The following ATP13A3 variants were observed in gnomAD, a reference collection of about 807,000 sequenced individuals.
ATP13A3 encodes the protein ATPase 13A3, also known as polyamine-transporting ATPase 13A3.
A neutral mutation model predicts 158.1 loss-of-function variants in ATP13A3; 59 were observed. The observed-to-expected ratio is 0.37, with a 90% CI of 0.30 to 0.46. ATP13A3 has a LOEUF of 0.46. Ranked by LOEUF, ATP13A3 falls within the 20% of genes least tolerant of loss-of-function variation. The pLI is 1.00. For missense variants in ATP13A3, 1,166 were observed against 1,525.2 expected, an observed-to-expected ratio of 0.76 and a Z score of 3.92; for synonymous variants, 491 against 504.3, an observed-to-expected ratio of 0.97 and a Z score of 0.35.
chr3:194,421,114 G>GTGTATATATATATATATA (rs774431656), intron 30 of ATP13A3, among the ~76,000 whole-genome samples: 1 of 8,124 alleles, frequency 1.2e-4, no homozygotes, highest in African/African-American at 5.8e-4. Flanking sequence ...TGTGTAGGGT[G>GTGTATATATATATATATA]TATATATATA....
intron 10 of ATP13A3, chr3:194,452,912 G>T (rs182014462): frequency 1.3e-5 from 2 of 152,206 alleles, no homozygotes. Context: ...CGAATCCCCA[G>T]AGCCTAGCAT....
chr3:194,462,039 C>T, intron 3 of ATP13A3, 101 bp downstream of exon 3: 1 of 1,111,690 alleles, frequency 9.0e-7, no homozygotes, highest in Non-Finnish European at 1.3e-6. Context: ...GAGTTAGCTG[C>T]TGCCGCCACT....
At chr3:194,470,608 T>C (rs1239552635) in intron 2 of ATP13A3, among the ~76,000 whole-genome samples, 1 of 152,222 alleles carries the variant, frequency 6.6e-6, no homozygotes, top group South Asian at 2.1e-4. Context: ...ATATCATTTA[T>C]ATGCAATGTA....
At chr3:194,454,427 G>C in intron 8 of ATP13A3, 35 bp from the exon 9 acceptor site, 4 of 1,567,488 alleles carry the variant, frequency 2.6e-6, no homozygotes, top group Non-Finnish European at 3.5e-6. Context: ...AACTGAATGA[G>C]GTATTAATGA....
At chr3:194,434,480 G>A (rs578178340) in intron 20 of ATP13A3, among the ~76,000 whole-genome samples, 20 of 152,198 alleles carry the variant, frequency 1.3e-4, no homozygotes, top group African/African-American at 4.3e-4. Context: ...GTCACTGGGA[G>A]GTTAAAGACA....
chr3:194,434,983 T>C (rs542978824), intron 20 of ATP13A3, among the ~76,000 whole-genome samples: 16 of 152,272 alleles, frequency 1.1e-4, no homozygotes, highest in African/African-American at 3.1e-4. Flanking sequence ...AATTATATCA[T>C]AGAAATTTTT....
intron 32 of ATP13A3, chr3:194,413,135 T>A (rs1375556602): frequency 1.3e-5 from 2 of 152,340 alleles, no homozygotes; most frequent in African/African-American, 4.8e-5. Context: ...GAGAACTTGC[T>A]ACCTCCTTTT....
Position 194,425,449 on chromosome 3 carries a change from T to A in ATP13A3, c.3206A>T (p.Gln1069Leu), listed in dbSNP as rs1716693122. 1 of 1,612,936 alleles carries A rather than the reference T, an allele frequency of 6.2e-7. No homozygotes were observed. Reference sequence around the variant, plus strand: ...AAACACTGTGGTATTTTCATAATTTTGTATATTATGTTCATCAAGTTCGGT... The same window carrying A: ...AAACACTGTGGTATTTTCATAATTTAGTATATTATGTTCATCAAGTTCGGT... ...NETELDEHNI[Q>L]NYENTTVFFI... Residue 1069 changes from glutamine (Q) to leucine (L), a missense_variant, in exon 30 of 34, where the codon CAA becomes CTA. Around this residue, in one of 3 missense-constraint regions of ATP13A3, gnomAD observed 997 missense variants for 1,341.2 expected, o/e 0.74. Transcript: ENST00000645319.
intron 30 of ATP13A3, among the ~76,000 whole-genome samples, chr3:194,424,045 C>T (rs1055830470): frequency 2.6e-5 from 4 of 151,630 alleles, no homozygotes; most frequent in African/African-American, 9.7e-5. Flanking sequence ...TATACCAATG[C>T]TAATGATTAA....
rs1716133002 is a variant in ATP13A3 at position 194,419,471 on chromosome 3, T to C, written c.3402+408A>G. The stretch of plus-strand genomic sequence containing the variant: ...CTAACAACTTAAATATGTGTGCATA[T>C]TCTTTTGTATGAAAAACAAGTATTT... On this transcript the variant is annotated intron_variant, in intron 31 of 33. Coordinates refer to ENST00000645319, the MANE Select transcript of ATP13A3 (RefSeq NM_001367549.1). Among the ~76,000 whole-genome samples, 5 of 152,324 alleles carry C rather than the reference T, an allele frequency of 3.3e-5. No homozygotes were observed. In the South Asian group the frequency reaches 1.0e-3, roughly 32 times the overall value.
Position 194,430,199 on chromosome 3 carries a change from A to T in ATP13A3, c.2668-18T>A. On this transcript the variant is annotated intron_variant, in intron 25 of 33. Transcript: ENST00000645319. ...TTCAAAGCCTAATAATTTTAAGAAAACTGGTTAAGTTTTGTGAATATGATT... is the reference window on the plus strand; with the variant it reads ...TTCAAAGCCTAATAATTTTAAGAAATCTGGTTAAGTTTTGTGAATATGATT... 6.2e-7 allele frequency: 1 copy of T among 1,613,662 alleles called. No individual in the cohort carries two copies.
intron 30 of ATP13A3, 65 bp from the exon 31 acceptor site, chr3:194,420,032 A>T: frequency 2.1e-6 from 3 of 1,429,226 alleles, no homozygotes. Context: ...AAGGCATCCA[A>T]TAACAGCTGG....
chr3:194,410,984 G>C (rs1395481331), intron 33 of ATP13A3, among the ~76,000 whole-genome samples: 3 of 149,928 alleles, frequency 2.0e-5, no homozygotes, highest in Non-Finnish European at 3.0e-5. Context: ...ACACAGATGA[G>C]ATTTTGCTAA....
At position 194,405,806 on chromosome 3, in the gene ATP13A3, T is replaced by C; in HGVS notation, c.*113A>G. The C allele has an allele frequency of 9.1e-7, 1 of 1,097,066 alleles. No individual in the cohort carries two copies. Among genetic ancestry groups the C allele is most frequent in the Non-Finnish European group, 1.3e-6 (1 of 744,258 alleles). 68.0% of individuals were successfully genotyped at this position (1,097,066 alleles called of 1,614,324 possible). On this transcript the variant is annotated 3_prime_UTR_variant, in exon 34 of 34. Transcript: ENST00000645319. ...CAAAGCTGTCAAATAAGCTACTATA[T>C]CAGAAGGGACATAAACTGAACTAGT...
chr3:194,424,358 A>C (rs2108786861), intron 30 of ATP13A3: 1 of 151,650 alleles, frequency 6.6e-6, no homozygotes, highest in South Asian at 2.1e-4. Context: ...AAAAGGGGGC[A>C]AAAAAAAGGA....
chr3:194,429,841 T>C (rs893219259), intron 26 of ATP13A3, 67 bp from the exon 27 acceptor site: 4 of 1,388,538 alleles, frequency 2.9e-6, no homozygotes, highest in Non-Finnish European at 4.1e-6. Context: ...CAAACCACAA[T>C]TTTATCTTGA....
In ATP13A3 at chr3:194,437,168, A is replaced by C; in HGVS notation, c.2047T>G (p.Phe683Val). Residue 683 changes from phenylalanine to valine, a missense_variant, in exon 20 of 34, where the codon TTC becomes GTC. Coordinates refer to ENST00000645319, the MANE Select transcript of ATP13A3 (RefSeq NM_001367549.1). ...NVLEDFTKQG[F>V]RVIALAHRKL... ...CTGTGTGCAAGAGCAATCACACGGAAGCCCTGTTTAGTGAAGTCTTCCAAA... is the reference window on the plus strand; with the variant it reads ...CTGTGTGCAAGAGCAATCACACGGACGCCCTGTTTAGTGAAGTCTTCCAAA... 6.2e-7 allele frequency: 1 copy of C among 1,614,078 alleles called. No homozygotes were observed. Among genetic ancestry groups the C allele is most frequent in the Non-Finnish European group, 8.5e-7 (1 of 1,179,894 alleles).
At chr3:194,410,962 G>T (rs192959477) in intron 33 of ATP13A3, among the ~76,000 whole-genome samples, 10 of 146,062 alleles carry the variant, frequency 6.8e-5, no homozygotes, top group African/African-American at 2.5e-4. Context: ...GTGTGTGTGT[G>T]TGTGTGTGTA....
chr3:194,420,006 A>G, intron 30 of ATP13A3, 39 bp from the exon 31 acceptor site: 2 of 1,481,104 alleles, frequency 1.4e-6, no homozygotes, highest in South Asian at 1.4e-5. Context: ...TAAATTAGGA[A>G]ATTCCTTTAT....
Sources: allele counts gnomAD v4.1 joint callset (sites outside exome capture counted in the v4.1 genomes callset), GRCh38; gene constraint gnomAD v4.1.1; regional missense constraint gnomAD v4.1.1; transcripts MANE v1.5; gene names NCBI Gene and HGNC (gene_info 2026-07-23, HGNC 2026-07-21).